The following CTNNA3 variants were observed in gnomAD, a reference collection of about 807,000 sequenced individuals.
The protein encoded by CTNNA3 is catenin alpha-3.
In CTNNA3, 76 loss-of-function variants were observed where a neutral mutation model predicts 95.7. The ratio of observed to expected loss-of-function variants is 0.79; its 90% CI spans 0.66 to 0.96. The LOEUF (loss-of-function observed/expected upper bound fraction) is 0.96. CTNNA3 is among the 40% of genes least tolerant of loss of function. The pLI is 0.00. For missense variants in CTNNA3, 1,191 were observed against 1,089.8 expected, an observed-to-expected ratio of 1.09 and a Z score of -1.31; for synonymous variants, 431 against 374.4, an observed-to-expected ratio of 1.15 and a Z score of -1.74.
chr10:65,944,734 G>A (rs182647452), intron 17 of CTNNA3, among the ~76,000 whole-genome samples: 81 of 152,212 alleles, frequency 5.3e-4, no homozygotes, highest in Non-Finnish European at 1.0e-3. Flanking sequence ...CAAATGAGAG[G>A]TCTAATTAAA....
chr10:67,131,578 C>G (rs73258494), intron 7 of CTNNA3, among the ~76,000 whole-genome samples: 3,007 of 152,118 alleles, frequency 0.02, 103 homozygotes, highest in African/African-American at 0.068. Flanking sequence ...TATAAAATTA[C>G]TCATTCTTCA....
Position 65,973,421 on chromosome 10 carries a change from GGAA to G in CTNNA3, c.2266-6678_2266-6676del, listed in dbSNP as rs998783711. ...AGAGTACATAGACAACCCACACAAT[GGAA>G]GAAAATATTTGCAAACTATGAATCT... is the stretch of plus-strand genomic sequence containing the variant. On this transcript the variant is annotated intron_variant, in intron 16 of 17. Coordinates refer to ENST00000433211, the MANE Select transcript of CTNNA3 (RefSeq NM_013266.4). Among the ~76,000 whole-genome samples the G allele has an allele frequency of 2.3e-4, 35 of 152,006 alleles. 1 individual carries two copies. Among genetic ancestry groups the G allele is most frequent in the African/African-American group, 8.0e-4 (33 of 41,398 alleles).
chr10:66,747,675 C>T (rs1838941352), intron 9 of CTNNA3, among the ~76,000 whole-genome samples: 1 of 152,054 alleles, frequency 6.6e-6, no homozygotes, highest in Admixed American at 6.6e-5. Flanking sequence ...ATGTGGTTTT[C>T]ATATACTGGG....
chr10:67,593,167 G>T (rs1371687359), intron 3 of CTNNA3, among the ~76,000 whole-genome samples: 2 of 152,140 alleles, frequency 1.3e-5, no homozygotes, highest in Non-Finnish European at 2.9e-5. Context: ...TTTTATGGCT[G>T]CATAGTAGTC....
intron 7 of CTNNA3, among the ~76,000 whole-genome samples, chr10:67,045,208 T>C (rs1222456448): frequency 1.3e-5 from 2 of 152,176 alleles, no homozygotes; most frequent in African/African-American, 4.8e-5. Context: ...GTGGTATTCT[T>C]AGTTCTTGAG....
intron 5 of CTNNA3, among the ~76,000 whole-genome samples, chr10:67,500,336 T>C (rs1029730999): frequency 1.3e-5 from 2 of 152,140 alleles, no homozygotes; most frequent in Non-Finnish European, 2.9e-5. Flanking sequence ...TGCTAAGGAG[T>C]GTTTTACTTC....
chr10:66,416,622 T>C (rs1355769625), intron 11 of CTNNA3, among the ~76,000 whole-genome samples: 1 of 151,830 alleles, frequency 6.6e-6, no homozygotes, highest in Non-Finnish European at 1.5e-5. Context: ...AATTTATCAG[T>C]AGAAACCTTA....
At chr10:67,265,377 A>G (rs1866779002) in intron 5 of CTNNA3, among the ~76,000 whole-genome samples, 1 of 152,180 alleles carries the variant, frequency 6.6e-6, no homozygotes, top group African/African-American at 2.4e-5. Context: ...AGACACATAC[A>G]AAACAAATAA....
intron 12 of CTNNA3, among the ~76,000 whole-genome samples, chr10:66,355,936 C>A (rs1276318247): frequency 1.3e-5 from 2 of 151,858 alleles, no homozygotes; most frequent in Non-Finnish European, 1.5e-5. Context: ...GATGAAAAGG[C>A]TAGTCTTTCT....
chr10:67,743,590 A>C (rs1272099526), intron 1 of CTNNA3, among the ~76,000 whole-genome samples: 2 of 151,546 alleles, frequency 1.3e-5, no homozygotes, highest in Non-Finnish European at 1.5e-5. Context: ...GAAAATGGGC[A>C]CAAGACAGGG....
At chr10:67,583,770 T>C (rs1377209646) in intron 3 of CTNNA3, among the ~76,000 whole-genome samples, 3 of 152,210 alleles carry the variant, frequency 2.0e-5, no homozygotes, top group Non-Finnish European at 4.4e-5. Flanking sequence ...TTTCACTCTT[T>C]TTTCTCTAAA....
At chr10:66,937,363 T>C (rs1223830352) in intron 7 of CTNNA3, among the ~76,000 whole-genome samples, 2 of 152,164 alleles carry the variant, frequency 1.3e-5, no homozygotes, top group Admixed American at 6.6e-5. Flanking sequence ...AATCTAATAC[T>C]CATAAAGATC....
At chr10:66,621,612 A>G in intron 10 of CTNNA3, 80 bp downstream of exon 10, 1 of 817,968 alleles carries the variant, frequency 1.2e-6, no homozygotes, top group Admixed American at 3.1e-5. Context: ...AAAGAAAAAA[A>G]AATAGTGTAT....
chr10:66,889,882 C>G (rs10997430), intron 7 of CTNNA3, among the ~76,000 whole-genome samples: 3 of 151,538 alleles, frequency 2.0e-5, no homozygotes, highest in African/African-American at 7.3e-5. Context: ...CCCCTGCCTC[C>G]GGGGTTCCAG....
intron 5 of CTNNA3, among the ~76,000 whole-genome samples, chr10:67,305,087 T>C (rs1408363185): frequency 2.0e-5 from 3 of 152,136 alleles, no homozygotes; most frequent in East Asian, 1.9e-4. Context: ...CCATCCTTGC[T>C]AACACAGTGA....
At chr10:67,557,741 A>T (rs1305824810) in intron 3 of CTNNA3, among the ~76,000 whole-genome samples, 1 of 152,218 alleles carries the variant, frequency 6.6e-6, no homozygotes, top group Non-Finnish European at 1.5e-5. Flanking sequence ...TGCAAGGCCC[A>T]GAAAAGCCAG....
At chr10:67,307,384 T>TAG (rs1332646653) in intron 5 of CTNNA3, among the ~76,000 whole-genome samples, 1 of 152,196 alleles carries the variant, frequency 6.6e-6, no homozygotes, top group Non-Finnish European at 1.5e-5. Context: ...CATATCGTCA[T>TAG]ATACTGAGTT....
intron 7 of CTNNA3, among the ~76,000 whole-genome samples, chr10:66,843,819 C>T (rs1442508035): frequency 2.0e-5 from 3 of 152,018 alleles, no homozygotes; most frequent in Admixed American, 6.6e-5. Flanking sequence ...GTTTTTGGAA[C>T]GTTGATTTGG....
At chr10:66,852,561 T>C (rs1317481358) in intron 7 of CTNNA3, among the ~76,000 whole-genome samples, 1 of 152,132 alleles carries the variant, frequency 6.6e-6, no homozygotes, top group Non-Finnish European at 1.5e-5. Flanking sequence ...ATAGCAATAT[T>C]TAAATGGTAT....
Sources: gnomAD v4.1 joint callset for allele counts (sites outside exome capture counted in the v4.1 genomes callset) on GRCh38, gnomAD v4.1.1 for gene constraint, MANE v1.5 for transcripts, NCBI Gene and HGNC (gene_info 2026-07-23, HGNC 2026-07-21) for gene names.